FAM200B: variants seen among roughly 807,000 people sequenced by gnomAD.
FAM200B encodes zinc finger BED-type containing 11, also known as protein FAM200B.
Under a neutral mutation model 33.1 loss-of-function variants are expected in FAM200B, and 32 were observed. That is an observed-to-expected ratio of 0.97 (90% confidence interval 0.73 to 1.30). The LOEUF (loss-of-function observed/expected upper bound fraction) is 1.30. Ranked by LOEUF, FAM200B falls within the 50% of genes most tolerant of loss-of-function variation. FAM200B has a pLI of 0.00. For synonymous variants in FAM200B, 240 were observed against 264.8 expected (o/e 0.91, Z 0.91); for missense variants, 741 against 754.0 (o/e 0.98, Z 0.20).
chr4:15,646,482 T>G, the FAM200B span, among the ~76,000 whole-genome samples: 1 of 150,392 alleles, frequency 6.6e-6, no homozygotes, highest in African/African-American at 2.4e-5. Flanking sequence ...AAAGGCAAAC[T>G]TAAAAATAGC....
the FAM200B span, chr4:15,641,633 A>G: frequency 1.8e-5 from 8 of 449,252 alleles, no homozygotes; most frequent in African/African-American, 2.3e-5. Context: ...GTAGGCTGTA[A>G]GTAAAGTTTT....
the FAM200B span, chr4:15,644,828 A>G: frequency 1.5e-6 from 1 of 659,532 alleles, no homozygotes; most frequent in South Asian, 2.2e-5. Context: ...CACTTGGTTA[A>G]AGTACAAATA....
chr4:15,659,742 T>C, the FAM200B span: 1 of 984,880 alleles, frequency 1.0e-6, no homozygotes, highest in Non-Finnish European at 1.2e-6. Flanking sequence ...GTCATTTACC[T>C]CTTAGTAAAT....
chr4:15,636,810 ATAACATGTATTAGAGG>A, the FAM200B span: 1 of 618,234 alleles, frequency 1.6e-6, no homozygotes, highest in East Asian at 2.8e-5. Context: ...TGAAAATGAA[ATAACATGTATTAGAGG>A]TAACATGGGG....
At chr4:15,682,252 C>T (rs1418912596) in intron 1 of FAM200B, among the ~76,000 whole-genome samples, 1 of 152,086 alleles carries the variant, frequency 6.6e-6, no homozygotes, top group Non-Finnish European at 1.5e-5. Context: ...AAACAGGAAA[C>T]AAAGGGAAAT....
chr4:15,653,579 T>C, the FAM200B span, among the ~76,000 whole-genome samples: 3 of 152,136 alleles, frequency 2.0e-5, no homozygotes, highest in Admixed American at 2.0e-4. Flanking sequence ...CTCTCCACAG[T>C]CTAAAGTGGA....
the FAM200B span, among the ~76,000 whole-genome samples, chr4:15,658,708 A>G: frequency 6.6e-6 from 1 of 152,216 alleles, no homozygotes; most frequent in African/African-American, 2.4e-5. Flanking sequence ...TTCTTTATAA[A>G]TTACCCAGTT....
the FAM200B span, among the ~76,000 whole-genome samples, chr4:15,673,351 G>A: frequency 6.6e-6 from 1 of 152,066 alleles, no homozygotes; most frequent in African/African-American, 2.4e-5. Flanking sequence ...TGAGGTGGGA[G>A]GATCACCAGA....
chr4:15,651,587 A>C, the FAM200B span, among the ~76,000 whole-genome samples: 1 of 152,130 alleles, frequency 6.6e-6, no homozygotes, highest in African/African-American at 2.4e-5. Context: ...AAAATGGCGG[A>C]GGGGGGAAGG....
chr4:15,659,760 A>C, the FAM200B span: 1 of 984,366 alleles, frequency 1.0e-6, no homozygotes, highest in Non-Finnish European at 1.2e-6. Context: ...AATATTGCCA[A>C]GTGAACACCA....
the FAM200B span, among the ~76,000 whole-genome samples, chr4:15,662,249 T>C: frequency 7.2e-5 from 11 of 152,192 alleles, no homozygotes; most frequent in Non-Finnish European, 1.2e-4. Context: ...AGCTCTACTT[T>C]ATTTAGGGGC....
At chr4:15,653,818 C>G in the FAM200B span, among the ~76,000 whole-genome samples, 1 of 152,214 alleles carries the variant, frequency 6.6e-6, no homozygotes, top group African/African-American at 2.4e-5. Context: ...TCACCCTCAG[C>G]TGCATACTGC....
At position 15,688,550 on chromosome 4, in the gene FAM200B, G is replaced by A; in HGVS notation, c.1573G>A (p.Glu525Lys). The A allele has an allele frequency of 6.5e-7, 1 of 1,548,986 alleles. No homozygotes were observed. Among genetic ancestry groups the A allele is most frequent in the Non-Finnish European group, 8.7e-7 (1 of 1,145,114 alleles). Residue 525 changes from glutamate to lysine, a missense_variant, in exon 2 of 2, where the codon GAA (glutamate) becomes AAA (lysine). Transcript: ENST00000422728. Reference sequence around the variant, plus strand: ...TCAAACTTTTAACCATTTCTTTCCAGAAGAAAAATTTGAAACATTAAGGGA... The same window carrying A: ...TCAAACTTTTAACCATTTCTTTCCAAAAGAAAAATTTGAAACATTAAGGGA... Reference protein sequence around the residue: ...LSQTFNHFFPEEKFETLRENS... With the variant: ...LSQTFNHFFPKEKFETLRENS...
the FAM200B span, among the ~76,000 whole-genome samples, chr4:15,660,743 T>C: frequency 2.0e-5 from 3 of 152,172 alleles, no homozygotes; most frequent in African/African-American, 7.2e-5. Context: ...CCAGGCTGAC[T>C]TGTTAAGGGA....
the FAM200B span, among the ~76,000 whole-genome samples, chr4:15,674,654 GT>G: frequency 7.7e-3 from 1,094 of 141,952 alleles, 33 homozygotes; most frequent in East Asian, 0.13. Context: ...GGATTTTTGG[GT>G]TTTTTTTTTT....
At chr4:15,656,104 G>A in the FAM200B span, 1 of 450,476 alleles carries the variant, frequency 2.2e-6, no homozygotes, top group Non-Finnish European at 4.5e-6. Context: ...GCGGGTCAGG[G>A]ATAGGCCCGA....
chr4:15,652,666 T>TAA, the FAM200B span, among the ~76,000 whole-genome samples: 1 of 152,196 alleles, frequency 6.6e-6, no homozygotes, highest in Admixed American at 6.5e-5. Context: ...TACATTATAC[T>TAA]AACTGGCTTA....
At chr4:15,659,676 TCAGA>T in the FAM200B span, 7 of 959,094 alleles carry the variant, frequency 7.3e-6, no homozygotes, top group African/African-American at 3.5e-5. Context: ...TGCAAAATTT[TCAGA>T]CAGAGAAGAG....
the FAM200B span, among the ~76,000 whole-genome samples, chr4:15,672,712 A>G: frequency 6.6e-6 from 1 of 152,214 alleles, no homozygotes; most frequent in Non-Finnish European, 1.5e-5. Flanking sequence ...TAGACTTTAT[A>G]AACACTGCAC....
Sources: gnomAD v4.1 joint callset for allele counts (sites outside exome capture counted in the v4.1 genomes callset) on GRCh38, gnomAD v4.1.1 for gene constraint, MANE v1.5 for transcripts, NCBI Gene and HGNC (gene_info 2026-07-23, HGNC 2026-07-21) for gene names.